SP140: variants seen among roughly 807,000 people sequenced by gnomAD.
SP140 encodes the protein nuclear body protein SP140.
SP140 carries 81 observed loss-of-function variants against 125.0 expected under a neutral mutation model. That is an observed-to-expected ratio of 0.65 (90% CI 0.54 to 0.78). The LOEUF (loss-of-function observed/expected upper bound fraction) is 0.78. Among genes scored for constraint, SP140 ranks in the 30% least tolerant of loss-of-function variants. SP140 has a pLI of 0.00. For synonymous variants in SP140, 312 were observed against 354.0 expected, an observed-to-expected ratio of 0.88 and a Z score of 1.33; for missense variants, 858 against 1,037.0, an observed-to-expected ratio of 0.83 and a Z score of 2.37.
At chr2:230,203,446 T>G (rs560297041) in intron 1 of SP140, 1 of 152,774 alleles carries the variant, frequency 6.5e-6, no homozygotes, top group East Asian at 1.9e-4. Flanking sequence ...TGCGGTGATA[T>G]CCGCAGGCCA....
At chr2:230,212,727 G>C (rs41309092) in intron 1 of SP140, 3 of 1,612,702 alleles carry the variant, frequency 1.9e-6, no homozygotes, top group Admixed American at 3.3e-5. Flanking sequence ...TTAGGCTGAG[G>C]ATATACAGGT....
At chr2:230,223,086 G>C (rs775301535), upstream of SP140, among the ~76,000 whole-genome samples, 9 of 149,860 alleles carry the variant, frequency 6.0e-5, no homozygotes, top group African/African-American at 2.2e-4. Context: ...CTCCAGGCTA[G>C]AGTGCTGTGG....
chr2:230,278,650 A>T (rs1293461751), intron 15 of SP140, among the ~76,000 whole-genome samples: 4 of 151,980 alleles, frequency 2.6e-5, no homozygotes, highest in African/African-American at 9.7e-5. Flanking sequence ...TTAAGCCTTT[A>T]ATCTATTTTG....
chr2:230,255,371 A>T, intron 11 of SP140, 81 bp from the exon 12 acceptor site: 2 of 1,524,464 alleles, frequency 1.3e-6, no homozygotes, highest in Non-Finnish European at 9.1e-7. Context: ...TCAGCTTTCC[A>T]CATCTTCACT....
At chr2:230,282,126 G>T (rs897570712) in intron 15 of SP140, among the ~76,000 whole-genome samples, 1 of 152,092 alleles carries the variant, frequency 6.6e-6, no homozygotes, top group African/African-American at 2.4e-5. Flanking sequence ...TATCTTTTTA[G>T]CTGGAATTTA....
At chr2:230,257,200 C>T (rs2051363083) in intron 12 of SP140, among the ~76,000 whole-genome samples, 2 of 151,666 alleles carry the variant, frequency 1.3e-5, no homozygotes, top group Non-Finnish European at 2.9e-5. Context: ...AGACTTTTAT[C>T]TAACAAATAA....
At chr2:230,306,895 C>T (rs556364714) in intron 22 of SP140, among the ~76,000 whole-genome samples, 2 of 152,194 alleles carry the variant, frequency 1.3e-5, no homozygotes, top group East Asian at 3.9e-4. Context: ...GCACCACCTT[C>T]AGGCAAGAGA....
intron 10 of SP140, among the ~76,000 whole-genome samples, chr2:230,252,290 C>T (rs1271854313): frequency 6.6e-6 from 1 of 151,702 alleles, no homozygotes; most frequent in East Asian, 1.9e-4. Flanking sequence ...AGAGAAAGTC[C>T]ACAGAGCCAA....
the SP140 span, among the ~76,000 whole-genome samples, chr2:230,186,565 A>G: frequency 6.6e-6 from 1 of 152,190 alleles, no homozygotes; most frequent in Non-Finnish European, 1.5e-5. Context: ...ACATGGATGA[A>G]TTATATAATG....
At chr2:230,285,199 C>A (rs2056204845) in intron 16 of SP140, among the ~76,000 whole-genome samples, 1 of 152,090 alleles carries the variant, frequency 6.6e-6, no homozygotes, top group African/African-American at 2.4e-5. Flanking sequence ...TATAATCAGG[C>A]CCCTGAAATT....
intron 15 of SP140, among the ~76,000 whole-genome samples, chr2:230,272,208 A>C (rs2054031245): frequency 6.6e-6 from 1 of 152,208 alleles, no homozygotes; most frequent in African/African-American, 2.4e-5. Flanking sequence ...ATAACTAGAA[A>C]ATACGATTTT....
chr2:230,265,552 T>C (rs979712217), intron 12 of SP140, among the ~76,000 whole-genome samples: 6 of 152,148 alleles, frequency 3.9e-5, no homozygotes, highest in Non-Finnish European at 4.4e-5. Context: ...TCCTCTCCCA[T>C]TGGGTCCCTG....
At chr2:230,212,601 G>A (rs956362090) in intron 1 of SP140, among the ~76,000 whole-genome samples, 4 of 152,136 alleles carry the variant, frequency 2.6e-5, no homozygotes, top group East Asian at 1.9e-4. Flanking sequence ...CCCACCCCCC[G>A]GCAGTGCTCA....
At chr2:230,245,205 T>G (rs2049256030) in intron 6 of SP140, 125 bp downstream of exon 6, 1 of 636,316 alleles carries the variant, frequency 1.6e-6, no homozygotes, top group African/African-American at 1.8e-5. Flanking sequence ...GTGGTTGTTT[T>G]CCCCAGGTGT....
At chr2:230,310,486 C>A (rs2059240850) in intron 23 of SP140, 3 of 795,904 alleles carry the variant, frequency 3.8e-6, no homozygotes, top group Middle Eastern at 7.7e-4. Flanking sequence ...CTCCCAGCAG[C>A]TCAGACAGAG....
At chr2:230,209,239 G>C (rs963917968) in intron 1 of SP140, among the ~76,000 whole-genome samples, 2 of 152,190 alleles carry the variant, frequency 1.3e-5, no homozygotes, top group Admixed American at 6.5e-5. Context: ...CTTTGGGTAT[G>C]GGAGGCCAAG....
At chr2:230,299,045 A>T (rs1330315171) in intron 22 of SP140, among the ~76,000 whole-genome samples, 3 of 152,238 alleles carry the variant, frequency 2.0e-5, no homozygotes, top group Non-Finnish European at 4.4e-5. Flanking sequence ...TCTCTTCTTG[A>T]AAAGATGGGT....
chr2:230,294,269 A>G lies in SP140; in HGVS notation c.1969-2A>G. 6.2e-7 allele frequency: 1 copy of G among 1,613,184 alleles called. No individual in the cohort carries two copies. The highest frequency in any genetic ancestry group is 8.5e-7 in the Non-Finnish European group (1 of 1,179,126). The stretch of plus-strand genomic sequence containing the variant: ...ATATACCTGAATCTTTTTGTCTTTC[A>G]GAATGGATTTCTGCCTGATCCTCCA... On this transcript the variant is annotated splice_acceptor_variant, in intron 20 of 26. Coordinates refer to ENST00000392045, the MANE Select transcript of SP140 (RefSeq NM_007237.5). LOFTEE classifies it high-confidence loss of function.
chr2:230,245,932 A>G lies in SP140; in HGVS notation c.734A>G (p.Asp245Gly), dbSNP rs1251543917. 6.3e-7 allele frequency: 1 copy of G among 1,583,660 alleles called. No individual in the cohort carries two copies. The highest frequency in any genetic ancestry group is 8.7e-7 in the Non-Finnish European group (1 of 1,152,268). ...GAAATGCCCAAGTTACTGCCTTATG[A>G]TACAGAAGGTAATTAGGATTTAAAT... ...SEEMPKLLPYDTEVLESNGMI... is the reference protein window; with the variant it reads ...SEEMPKLLPYGTEVLESNGMI... Residue 245 changes from aspartate to glycine, a missense_variant, in exon 7 of 27, where the codon GAT (aspartate) becomes GGT (glycine). Transcript: ENST00000392045.
Sources: gnomAD v4.1 joint callset for allele counts (sites outside exome capture counted in the v4.1 genomes callset) on GRCh38, gnomAD v4.1.1 for gene constraint, MANE v1.5 for transcripts, NCBI Gene and HGNC (gene_info 2026-07-23, HGNC 2026-07-21) for gene names.